The following UNC5D variants were observed in gnomAD, a reference collection of about 807,000 sequenced individuals.
UNC5D encodes the protein netrin receptor UNC5D.
Under a neutral mutation model 105.4 loss-of-function variants are expected in UNC5D, and 39 were observed. The observed-to-expected ratio is 0.37, with a 90% confidence interval of 0.29 to 0.48. The LOEUF (loss-of-function observed/expected upper bound fraction) is 0.48. Among genes scored for constraint, UNC5D ranks in the 20% least tolerant of loss-of-function variants. The pLI is 0.98. For missense variants in UNC5D, 991 were observed against 1,202.4 expected, an observed-to-expected ratio of 0.82 and a Z score of 2.60; for synonymous variants, 452 against 450.4, an observed-to-expected ratio of 1.00 and a Z score of -0.04.
chr8:35,265,048 G>C (rs1157098859), intron 1 of UNC5D, among the ~76,000 whole-genome samples: 17 of 152,156 alleles, frequency 1.1e-4, no homozygotes, highest in Admixed American at 4.6e-4. Flanking sequence ...TGCTTCTCCA[G>C]GTCTCAGTGC....
chr8:35,692,918 C>T (rs1025390463), intron 7 of UNC5D, among the ~76,000 whole-genome samples: 33 of 152,132 alleles, frequency 2.2e-4, no homozygotes, highest in African/African-American at 7.5e-4. Flanking sequence ...CATAATTTGC[C>T]TTCATGTATA....
At chr8:35,470,853 T>G (rs1378754150) in intron 1 of UNC5D, among the ~76,000 whole-genome samples, 1 of 152,038 alleles carries the variant, frequency 6.6e-6, no homozygotes, top group Non-Finnish European at 1.5e-5. Context: ...CACTGACTTG[T>G]GAAGCACAGC....
chr8:35,632,446 G>A (rs1184823311), intron 4 of UNC5D, among the ~76,000 whole-genome samples: 4 of 152,220 alleles, frequency 2.6e-5, no homozygotes, highest in Non-Finnish European at 5.9e-5. Context: ...AAGGGGGCCT[G>A]GGCCCTTCTG....
intron 1 of UNC5D, among the ~76,000 whole-genome samples, chr8:35,260,190 C>T (rs1804383920): frequency 6.6e-6 from 1 of 152,134 alleles, no homozygotes; most frequent in South Asian, 2.1e-4. Flanking sequence ...GAACGGTTCA[C>T]CTGTCAGGTG....
intron 3 of UNC5D, among the ~76,000 whole-genome samples, chr8:35,571,758 T>C (rs1396833158): frequency 6.6e-6 from 1 of 152,222 alleles, no homozygotes; most frequent in Non-Finnish European, 1.5e-5. Context: ...TTGGATATAA[T>C]TCACTATGTT....
chr8:35,328,398 T>C (rs567842567), intron 1 of UNC5D, among the ~76,000 whole-genome samples: 4 of 151,996 alleles, frequency 2.6e-5, no homozygotes, highest in African/African-American at 9.6e-5. Context: ...GCTATTTGTA[T>C]TTTTTTTGTT....
intron 4 of UNC5D, among the ~76,000 whole-genome samples, chr8:35,680,100 C>A (rs1199219564): frequency 6.6e-6 from 1 of 152,156 alleles, no homozygotes; most frequent in African/African-American, 2.4e-5. Context: ...TCCTCATGAT[C>A]TGATCTCCTC....
At chr8:35,482,395 C>T (rs973411969) in intron 1 of UNC5D, among the ~76,000 whole-genome samples, 3 of 152,132 alleles carry the variant, frequency 2.0e-5, no homozygotes, top group African/African-American at 4.8e-5. Context: ...TGTCTGTCTC[C>T]GAAGCCTACG....
chr8:35,717,091 C>A (rs1450288801), intron 8 of UNC5D, among the ~76,000 whole-genome samples: 1 of 152,120 alleles, frequency 6.6e-6, no homozygotes, highest in African/African-American at 2.4e-5. Context: ...TGTATGGATT[C>A]CTTAGTAATT....
chr8:35,471,205 C>A lies in UNC5D; in HGVS notation c.104-78087C>A, dbSNP rs753765404. Among the ~76,000 whole-genome samples, 25 of 152,186 alleles carry A rather than the reference C, an allele frequency of 1.6e-4. No homozygotes were observed. In the Middle Eastern group the frequency reaches 0.017, roughly 104 times the overall value. On this transcript the variant is annotated intron_variant, in intron 1 of 16. Transcript: ENST00000404895. ...CAGAAACTGTTTAGCCACTAACAACCTTTTCATCTCACATTTATTTCAAGC... is the reference window on the plus strand; with the variant it reads ...CAGAAACTGTTTAGCCACTAACAACATTTTCATCTCACATTTATTTCAAGC...
intron 1 of UNC5D, among the ~76,000 whole-genome samples, chr8:35,446,503 A>T (rs2128987697): frequency 6.6e-6 from 1 of 152,202 alleles, no homozygotes; most frequent in South Asian, 2.1e-4. Context: ...AAAAAAAAGT[A>T]ATTACCCAAG....
intron 3 of UNC5D, among the ~76,000 whole-genome samples, chr8:35,593,379 G>T (rs1313951394): frequency 6.6e-6 from 1 of 152,102 alleles, no homozygotes; most frequent in Non-Finnish European, 1.5e-5. Context: ...TCAAAATTGG[G>T]ATGACCATTT....
chr8:35,746,369 A>AG (rs1830007883), intron 11 of UNC5D, among the ~76,000 whole-genome samples: 1 of 152,148 alleles, frequency 6.6e-6, no homozygotes, highest in Admixed American at 6.6e-5. Context: ...AATTGTGGGG[A>AG]GAAAAAAATG....
At chr8:35,347,680 A>G (rs1811902300) in intron 1 of UNC5D, among the ~76,000 whole-genome samples, 1 of 151,992 alleles carries the variant, frequency 6.6e-6, no homozygotes, top group African/African-American at 2.4e-5. Flanking sequence ...CACTTCTGTG[A>G]ACCATAATCT....
chr8:35,366,233 A>G (rs935736415), intron 1 of UNC5D, among the ~76,000 whole-genome samples: 2 of 151,692 alleles, frequency 1.3e-5, no homozygotes, highest in African/African-American at 4.8e-5. Flanking sequence ...ATAGATTCCT[A>G]TTTTTTCACT....
rs191587904 is a variant in UNC5D, at chr8:35,690,432, C to T, written c.1084+3723C>T. Among the ~76,000 whole-genome samples the T allele has an allele frequency of 3.3e-5, 5 of 152,074 alleles. No homozygotes were observed. The East Asian group carries it at 9.7e-4, about 29-fold the overall frequency. On this transcript the variant is annotated intron_variant, in intron 7 of 16. Transcript: ENST00000404895. ...TCACTTGAGTCCAAGAGTTCAAGAC[C>T]AGCCTGGGCAACATAGCAAGACCCT...
At chr8:35,420,207 C>CT (rs149032436) in intron 1 of UNC5D, among the ~76,000 whole-genome samples, 6,783 of 152,016 alleles carry the variant, frequency 0.045, 174 homozygotes, top group African/African-American at 0.059. Context: ...TTTGTTTCTT[C>CT]TTTTTTTACA....
chr8:35,756,860 C>T (rs181634937), intron 13 of UNC5D, among the ~76,000 whole-genome samples: 3 of 152,174 alleles, frequency 2.0e-5, no homozygotes, highest in Admixed American at 6.5e-5. Flanking sequence ...CATTTCCTGG[C>T]GTCGACTACT....
intron 1 of UNC5D, among the ~76,000 whole-genome samples, chr8:35,315,995 G>T (rs1268115130): frequency 6.6e-6 from 1 of 152,192 alleles, no homozygotes; most frequent in African/African-American, 2.4e-5. Flanking sequence ...GACATGATCA[G>T]CTTTATAGCT....
Sources: allele counts gnomAD v4.1 joint callset (sites outside exome capture counted in the v4.1 genomes callset), GRCh38; gene constraint gnomAD v4.1.1; transcripts MANE v1.5; gene names NCBI Gene and HGNC (gene_info 2026-07-23, HGNC 2026-07-21).